Variants in HOMER2 observed in about 807,000 individuals in gnomAD.
HOMER2 encodes the protein homer scaffold protein 2.
Under a neutral mutation model 47.0 loss-of-function variants are expected in HOMER2, and 27 were observed. The ratio of observed to expected loss-of-function variants is 0.57; its 90% CI spans 0.42 to 0.79. HOMER2 has a LOEUF of 0.79. Among genes scored for constraint, HOMER2 ranks in the 30% least tolerant of loss-of-function variants. HOMER2 has a pLI of 0.00. For missense variants in HOMER2, 443 were observed against 435.0 expected (o/e 1.02, Z -0.16); for synonymous variants, 161 against 163.8 (o/e 0.98, Z 0.13).
chr15:82,963,029 T>C lies in HOMER2; in HGVS notation n.83-3721A>G, dbSNP rs149991049. On this transcript the variant is annotated intron_variant and non_coding_transcript_variant, in intron 1 of 1. Transcript: ENST00000500334. ...GCACAGTAGCTCACACCTGTAATCC[T>C]AGCACTTTGGGAGGCTGAGGCAGGC... is the stretch of plus-strand genomic sequence containing the variant. Among the ~76,000 whole-genome samples, 404 of 152,062 alleles carry C rather than the reference T, an allele frequency of 2.7e-3. 1 individual carries two copies. The highest frequency in any genetic ancestry group is 9.3e-3 in the African/African-American group (386 of 41,488).
chr15:82,882,881 C>CTTTTTTTTTT (rs757073475), intron 2 of HOMER2, among the ~76,000 whole-genome samples: 3 of 27,050 alleles, frequency 1.1e-4, no homozygotes, highest in Non-Finnish European at 1.9e-4. Context: ...CCAGCCACTG[C>CTTTTTTTTTT]TTTTTTTTTT....
chr15:82,947,695 C>T (rs748985267), intron 1 of HOMER2, among the ~76,000 whole-genome samples: 1 of 152,218 alleles, frequency 6.6e-6, no homozygotes, highest in Admixed American at 6.5e-5. Context: ...GCCCTTGCAA[C>T]TCCCAATTAA....
At chr15:82,875,426 A>G (rs1419779293) in intron 2 of HOMER2, 22 bp from the exon 3 acceptor site, 1 of 1,612,908 alleles carries the variant, frequency 6.2e-7, no homozygotes, top group Admixed American at 1.7e-5. Context: ...CAGCCCAAAG[A>G]GTGAAAATTT....
chr15:82,930,594 G>A (rs1265706571), intron 1 of HOMER2, among the ~76,000 whole-genome samples: 1 of 152,224 alleles, frequency 6.6e-6, no homozygotes, highest in Non-Finnish European at 1.5e-5. Flanking sequence ...ATAGTTGTTG[G>A]GAGGATACAG....
At chr15:82,868,523 T>TATATA (rs2052055665) in intron 3 of HOMER2, among the ~76,000 whole-genome samples, 2 of 36,640 alleles carry the variant, frequency 5.5e-5, no homozygotes, top group Admixed American at 5.0e-4. Context: ...CTTATTTATT[T>TATATA]TATATATATA....
chr15:82,838,404 G>A (rs967893491), exon 2 of HOMER2: 5 of 152,224 alleles, frequency 3.3e-5, no homozygotes, highest in African/African-American at 1.2e-4. Context: ...AAACAGCATC[G>A]GTGGCAGCCA....
chr15:82,905,452 A>G (rs1197241508), intron 1 of HOMER2, among the ~76,000 whole-genome samples: 1 of 152,170 alleles, frequency 6.6e-6, no homozygotes. Flanking sequence ...ACACCAAACC[A>G]CAGATCCAGG....
At chr15:82,844,967 C>G (rs1312401310), downstream of HOMER2, 2 of 152,162 alleles carry the variant, frequency 1.3e-5, no homozygotes, top group Non-Finnish European at 2.9e-5. Context: ...GGTTTACGGG[C>G]TCCTGCCAGG....
chr15:82,945,935 A>G (rs1281841038), intron 1 of HOMER2, among the ~76,000 whole-genome samples: 1 of 151,966 alleles, frequency 6.6e-6, no homozygotes, highest in Non-Finnish European at 1.5e-5. Flanking sequence ...GCACCACTGC[A>G]CTCCAGCATG....
At chr15:82,839,113 A>C (rs1377069879) in exon 2 of HOMER2, 1 of 152,126 alleles carries the variant, frequency 6.6e-6, no homozygotes, top group Admixed American at 6.5e-5. Flanking sequence ...AAAAACCAAA[A>C]TCTTATCTGG....
chr15:82,844,626 TG>T (rs2051214659), downstream of HOMER2: 1 of 152,228 alleles, frequency 6.6e-6, no homozygotes, highest in Non-Finnish European at 1.5e-5. Flanking sequence ...AACAGGTGAT[TG>T]GTTTTTTTCC....
chr15:82,949,618 A>G (rs2054461709), intron 1 of HOMER2, among the ~76,000 whole-genome samples: 1 of 152,156 alleles, frequency 6.6e-6, no homozygotes, highest in South Asian at 2.1e-4. Context: ...GTGGGTTTGG[A>G]TGTATCTTCT....
At chr15:82,984,940 A>T (rs552867710) in intron 1 of HOMER2, among the ~76,000 whole-genome samples, 1 of 152,350 alleles carries the variant, frequency 6.6e-6, no homozygotes, top group South Asian at 2.1e-4. Context: ...AAATAATTTT[A>T]GTTCGAAGTT....
chr15:82,873,188 T>C (rs1186257270), intron 3 of HOMER2, among the ~76,000 whole-genome samples: 1 of 152,104 alleles, frequency 6.6e-6, no homozygotes, highest in Non-Finnish European at 1.5e-5. Context: ...GTCAACACAG[T>C]GACCCACGCC....
At chr15:82,860,495 A>C (rs997901221) in intron 4 of HOMER2, among the ~76,000 whole-genome samples, 3 of 152,192 alleles carry the variant, frequency 2.0e-5, no homozygotes, top group Non-Finnish European at 2.9e-5. Context: ...ATATGTTCAC[A>C]TTTTTTTGTG....
intron 1 of HOMER2, among the ~76,000 whole-genome samples, chr15:82,928,969 G>C (rs1026526088): frequency 2.4e-4 from 11 of 46,526 alleles, no homozygotes; most frequent in Non-Finnish European, 4.1e-4. Flanking sequence ...AAGCTGTCAT[G>C]CATCTTTGAG....
intron 1 of HOMER2, among the ~76,000 whole-genome samples, chr15:82,935,741 G>A (rs1419466949): frequency 6.6e-6 from 1 of 152,020 alleles, no homozygotes; most frequent in Non-Finnish European, 1.5e-5. Flanking sequence ...TCATCCATCT[G>A]AAGGTTCTTA....
chr15:82,868,164 C>T (rs2052039597), intron 3 of HOMER2, among the ~76,000 whole-genome samples: 2 of 151,908 alleles, frequency 1.3e-5, no homozygotes, highest in African/African-American at 2.4e-5. Flanking sequence ...GTCCTTTGCC[C>T]ACTTTTTAAT....
chr15:82,917,116 C>A (rs2053612424), intron 1 of HOMER2, among the ~76,000 whole-genome samples: 3 of 152,146 alleles, frequency 2.0e-5, no homozygotes, highest in Non-Finnish European at 4.4e-5. Flanking sequence ...CCTCATTTTA[C>A]AATTTTTGTT....
Sources: gnomAD v4.1 joint callset for allele counts (sites outside exome capture counted in the v4.1 genomes callset) on GRCh38, gnomAD v4.1.1 for gene constraint, MANE v1.5 for transcripts, NCBI Gene and HGNC (gene_info 2026-07-23, HGNC 2026-07-21) for gene names.